LINGO2: variants seen among roughly 807,000 people sequenced by gnomAD.
LINGO2 encodes the protein leucine rich repeat and Ig domain containing 2.
LINGO2 carries 14 observed loss-of-function variants against 30.6 expected under a neutral mutation model. The ratio of observed to expected loss-of-function variants is 0.46; its 90% CI spans 0.30 to 0.72. The LOEUF is 0.72. Among genes scored for constraint, LINGO2 ranks in the 30% least tolerant of loss-of-function variants. The pLI is 0.07. For missense variants in LINGO2, 729 were observed against 751.7 expected (o/e 0.97, Z 0.35); for synonymous variants, 317 against 288.5 (o/e 1.10, Z -1.00).
At chr9:28,871,477 T>C in the LINGO2 span, among the ~76,000 whole-genome samples, 2 of 151,808 alleles carry the variant, frequency 1.3e-5, no homozygotes, top group Non-Finnish European at 2.9e-5. Context: ...TTTTACTTCA[T>C]ATACTCTGTG....
chr9:29,058,519 G>C, the LINGO2 span, among the ~76,000 whole-genome samples: 12 of 152,010 alleles, frequency 7.9e-5, no homozygotes, highest in African/African-American at 2.6e-4. Flanking sequence ...TATACAAGAA[G>C]GGGTGAGGTG....
chr9:28,423,839 C>T (rs1006512835), intron 2 of LINGO2, among the ~76,000 whole-genome samples: 3 of 152,020 alleles, frequency 2.0e-5, no homozygotes, highest in African/African-American at 4.8e-5. Flanking sequence ...AGATATAATT[C>T]AGAGAAATAG....
chr9:28,241,869 C>T (rs1212217161), intron 4 of LINGO2, among the ~76,000 whole-genome samples: 1 of 152,062 alleles, frequency 6.6e-6, no homozygotes, highest in Non-Finnish European at 1.5e-5. Flanking sequence ...ACTGCAGCAG[C>T]CCTACAGAAG....
intron 1 of LINGO2, among the ~76,000 whole-genome samples, chr9:28,556,785 G>T (rs1390163450): frequency 1.3e-5 from 2 of 151,772 alleles, no homozygotes; most frequent in Non-Finnish European, 2.9e-5. Flanking sequence ...CATGGTACTG[G>T]TACCAAAACA....
chr9:28,822,936 T>TA, the LINGO2 span, among the ~76,000 whole-genome samples: 3 of 152,150 alleles, frequency 2.0e-5, no homozygotes, highest in African/African-American at 7.2e-5. Context: ...GACAACTGAA[T>TA]AAAAAATATA....
the LINGO2 span, among the ~76,000 whole-genome samples, chr9:28,701,257 C>T: frequency 6.5e-3 from 986 of 151,974 alleles, 24 homozygotes; most frequent in Admixed American, 0.035. Flanking sequence ...AAATGATCTC[C>T]TATGTTATCT....
chr9:29,050,179 C>T, the LINGO2 span, among the ~76,000 whole-genome samples: 1 of 152,122 alleles, frequency 6.6e-6, no homozygotes, highest in Admixed American at 6.5e-5. Flanking sequence ...GTACGCACCA[C>T]CAGGTCTGGC....
chr9:28,229,536 T>C (rs1821286138), intron 4 of LINGO2, among the ~76,000 whole-genome samples: 1 of 151,890 alleles, frequency 6.6e-6, no homozygotes, highest in East Asian at 1.9e-4. Context: ...GTGTTAATTT[T>C]AGACATAAAA....
chr9:28,049,790 G>C (rs1824589163), intron 4 of LINGO2, among the ~76,000 whole-genome samples: 1 of 150,430 alleles, frequency 6.6e-6, no homozygotes, highest in South Asian at 2.1e-4. Context: ...TAGGAGGTAG[G>C]AGACAATCAG....
chr9:28,168,215 G>A (rs549169621), intron 4 of LINGO2, among the ~76,000 whole-genome samples: 47 of 152,208 alleles, frequency 3.1e-4, no homozygotes, highest in South Asian at 6.2e-4. Flanking sequence ...ATCTACTCCC[G>A]GATATTTTAG....
the LINGO2 span, among the ~76,000 whole-genome samples, chr9:28,748,714 T>C: frequency 1.3e-5 from 2 of 152,010 alleles, no homozygotes; most frequent in East Asian, 1.9e-4. Flanking sequence ...CAGAAGAAAA[T>C]TGAGTAATTT....
intron 1 of LINGO2, among the ~76,000 whole-genome samples, chr9:28,522,857 G>C (rs938336891): frequency 9.2e-5 from 14 of 151,774 alleles, no homozygotes; most frequent in Non-Finnish European, 1.6e-4. Flanking sequence ...CCAGGCAAGA[G>C]GAAGGGACAA....
At chr9:28,242,825 TC>T (rs1473132150) in intron 4 of LINGO2, among the ~76,000 whole-genome samples, 1 of 152,120 alleles carries the variant, frequency 6.6e-6, no homozygotes, top group Non-Finnish European at 1.5e-5. Flanking sequence ...TATTCGACAT[TC>T]TTAAAGAAAA....
intron 3 of LINGO2, among the ~76,000 whole-genome samples, chr9:28,322,581 C>T (rs915752402): frequency 6.6e-6 from 1 of 152,090 alleles, no homozygotes; most frequent in Non-Finnish European, 1.5e-5. Flanking sequence ...AAGGAACTTG[C>T]ACATCAAACA....
chr9:28,381,832 C>T (rs1821370859), intron 2 of LINGO2, among the ~76,000 whole-genome samples: 1 of 152,054 alleles, frequency 6.6e-6, no homozygotes, highest in Non-Finnish European at 1.5e-5. Context: ...AGATTTTTGG[C>T]CAAATCATTA....
intron 4 of LINGO2, among the ~76,000 whole-genome samples, chr9:28,168,529 T>C (rs924737096): frequency 4.6e-5 from 7 of 152,270 alleles, no homozygotes; most frequent in Non-Finnish European, 1.0e-4. Context: ...ACAGGTGTTA[T>C]TGTTTCATTT....
intron 1 of LINGO2, among the ~76,000 whole-genome samples, chr9:28,542,789 T>C (rs1821758676): frequency 6.6e-6 from 1 of 152,050 alleles, no homozygotes; most frequent in Non-Finnish European, 1.5e-5. Flanking sequence ...TGTTCAGGGA[T>C]TCCACGTTAG....
At position 28,547,433 on chromosome 9, in the gene LINGO2, G is replaced by T. The variant is rs1287919092; in HGVS notation, c.-364-71408C>A. On this transcript the variant is annotated intron_variant, in intron 1 of 5. Coordinates refer to ENST00000379992, the Ensembl canonical transcript of LINGO2. ...ATATCAAAATTCCATCAACAGCAGG[G>T]GAAAAACTGCCATTAACTAGAGATA... is the stretch of plus-strand genomic sequence containing the variant. Among the ~76,000 whole-genome samples the T allele has an allele frequency of 2.0e-5, 3 of 152,018 alleles. No homozygotes were observed. In the East Asian group the frequency reaches 5.8e-4, roughly 29 times the overall value.
chr9:28,499,968 G>T (rs1268322882), intron 1 of LINGO2, among the ~76,000 whole-genome samples: 3 of 152,162 alleles, frequency 2.0e-5, no homozygotes, highest in Admixed American at 6.5e-5. Context: ...CAGTTAAAAT[G>T]ATCCTAGACT....
Sources: allele counts gnomAD v4.1 joint callset (sites outside exome capture counted in the v4.1 genomes callset), GRCh38; gene constraint gnomAD v4.1.1; transcripts MANE v1.5; gene names NCBI Gene and HGNC (gene_info 2026-07-23, HGNC 2026-07-21).